Variants in IMMP2L observed in about 807,000 individuals in gnomAD.
The protein encoded by IMMP2L is mitochondrial inner membrane protease subunit 2.
A neutral mutation model predicts 19.3 loss-of-function variants in IMMP2L; 18 were observed. The observed-to-expected ratio is 0.93, with a 90% confidence interval of 0.64 to 1.38. The LOEUF is 1.38. Ranked by LOEUF, IMMP2L falls within the 40% of genes most tolerant of loss-of-function variation. The pLI, the probability that IMMP2L is intolerant of heterozygous loss-of-function variation, is 0.00. For synonymous variants in IMMP2L, 76 were observed against 73.0 expected, an observed-to-expected ratio of 1.04 and a Z score of -0.21; for missense variants, 233 against 218.2, an observed-to-expected ratio of 1.07 and a Z score of -0.43.
chr7:110,743,838 C>T (rs998348296), intron 5 of IMMP2L, among the ~76,000 whole-genome samples: 1 of 152,066 alleles, frequency 6.6e-6, no homozygotes, highest in African/African-American at 2.4e-5. Flanking sequence ...GCCATTTGGG[C>T]AGACACTGAG....
intron 3 of IMMP2L, among the ~76,000 whole-genome samples, chr7:111,468,648 T>C (rs1368008338): frequency 1.3e-5 from 2 of 152,130 alleles, no homozygotes; most frequent in East Asian, 1.9e-4. Flanking sequence ...ATCCAAATCA[T>C]GTTGGAAATA....
chr7:110,838,288 T>C (rs954117438), intron 5 of IMMP2L, among the ~76,000 whole-genome samples: 11 of 152,158 alleles, frequency 7.2e-5, no homozygotes, highest in Non-Finnish European at 1.5e-4. Flanking sequence ...TGAACATAAA[T>C]AGAAGTAGAC....
chr7:110,942,478 C>G (rs922691243), intron 4 of IMMP2L, among the ~76,000 whole-genome samples: 1 of 151,858 alleles, frequency 6.6e-6, no homozygotes, highest in African/African-American at 2.4e-5. Flanking sequence ...AGTTTAACTG[C>G]TGTGTACGCT....
intron 3 of IMMP2L, among the ~76,000 whole-genome samples, chr7:111,411,091 A>T (rs1471324891): frequency 8.5e-6 from 1 of 118,054 alleles, no homozygotes; most frequent in East Asian, 2.2e-4. Context: ...TCAAATTGCT[A>T]AAAAAAAAAA....
chr7:111,170,913 A>G (rs900925519), intron 3 of IMMP2L, among the ~76,000 whole-genome samples: 1 of 151,716 alleles, frequency 6.6e-6, no homozygotes, highest in Non-Finnish European at 1.5e-5. Context: ...GCTTAGAAAG[A>G]TTCTTAAAAC....
At chr7:111,542,230 CTGAA>C (rs1210887346) in intron 1 of IMMP2L, among the ~76,000 whole-genome samples, 13 of 151,918 alleles carry the variant, frequency 8.6e-5, no homozygotes, top group African/African-American at 2.4e-4. Context: ...TATACAAACT[CTGAA>C]TGAAGCATTA....
At chr7:110,925,796 C>A (rs1204427002) in intron 4 of IMMP2L, among the ~76,000 whole-genome samples, 7 of 151,858 alleles carry the variant, frequency 4.6e-5, no homozygotes, top group Admixed American at 2.0e-4. Context: ...TGTTCTCAAT[C>A]CACGAGAAAA....
chr7:111,284,605 A>T (rs914621036), intron 3 of IMMP2L, among the ~76,000 whole-genome samples: 3 of 152,198 alleles, frequency 2.0e-5, no homozygotes, highest in African/African-American at 7.2e-5. Flanking sequence ...AAGAGGAAAG[A>T]CAGGTCAGTA....
In IMMP2L at chr7:110,728,458, C is replaced by T. The variant is rs1192053918; in HGVS notation, c.409-64737G>A. Among the ~76,000 whole-genome samples the T allele has an allele frequency of 6.6e-6, 1 of 152,036 alleles. No individual in the cohort carries two copies. The highest frequency in any genetic ancestry group is 2.4e-5 in the African/African-American group (1 of 41,368). On this transcript the variant is annotated intron_variant, in intron 5 of 5. Coordinates refer to ENST00000405709, the MANE Select transcript of IMMP2L (RefSeq NM_032549.4). This position sits in a 1 kb window ranked among gnomAD's most constrained non-coding sequence, Gnocchi z 4.6. ...AGGTTGCAGTGAGCCATTATCACAT[C>T]ACTGTACTCCAGCCTGGGCAACAGA...
chr7:111,063,853 T>C (rs1794249964), intron 3 of IMMP2L, among the ~76,000 whole-genome samples: 1 of 152,324 alleles, frequency 6.6e-6, no homozygotes, highest in Non-Finnish European at 1.5e-5. Context: ...CATATCACTA[T>C]CAGGATTTTT....
At chr7:111,224,665 A>G (rs1400883733) in intron 3 of IMMP2L, among the ~76,000 whole-genome samples, 1 of 152,118 alleles carries the variant, frequency 6.6e-6, no homozygotes, top group African/African-American at 2.4e-5. Flanking sequence ...ATCCATGAGA[A>G]CCTTTCAGGA....
At chr7:110,854,070 A>C (rs1395106965) in intron 5 of IMMP2L, among the ~76,000 whole-genome samples, 1 of 151,988 alleles carries the variant, frequency 6.6e-6, no homozygotes, top group Non-Finnish European at 1.5e-5. Flanking sequence ...TACAGTCACC[A>C]ATAAATAGTT....
chr7:110,728,947 AT>A lies in IMMP2L; in HGVS notation c.409-65227del, dbSNP rs1796072939. Among the ~76,000 whole-genome samples the A allele has an allele frequency of 6.6e-6, 1 of 152,124 alleles. No individual in the cohort carries two copies. Among genetic ancestry groups the A allele is most frequent in the African/African-American group, 2.4e-5 (1 of 41,438 alleles). On this transcript the variant is annotated intron_variant, in intron 5 of 5. Transcript: ENST00000405709. This position sits in a 1 kb window ranked among gnomAD's most constrained non-coding sequence, Gnocchi z 4.6. ...TTGTTTTCACCCAGGCTGGACTGCA[AT>A]GGCGCGATCTCAGCTCACAGCAACC...
intron 3 of IMMP2L, among the ~76,000 whole-genome samples, chr7:111,107,198 CTT>C: frequency 6.6e-6 from 1 of 151,796 alleles, no homozygotes; most frequent in Non-Finnish European, 1.5e-5. Context: ...TCCCTCCCTT[CTT>C]CCTTCTCTCT....
chr7:111,092,016 C>G lies in IMMP2L; in HGVS notation c.240-128451G>C, dbSNP rs150368671. The stretch of plus-strand genomic sequence containing the variant: ...ACCAAATGGGGCATTTTTATTTTGT[C>G]TCATCCAGTGGATGCAAATTAAGGC... On this transcript the variant is annotated intron_variant, in intron 3 of 5. Transcript: ENST00000405709. 4.4e-3 allele frequency among the ~76,000 whole-genome samples: 668 copies of G among 152,296 alleles called. 3 individuals are homozygous for G. The highest frequency in any genetic ancestry group is 0.015 in the African/African-American group (628 of 41,568).
intron 3 of IMMP2L, among the ~76,000 whole-genome samples, chr7:111,016,090 C>A (rs1020005713): frequency 7.2e-5 from 11 of 152,084 alleles, no homozygotes; most frequent in Non-Finnish European, 1.5e-4. Flanking sequence ...ATATGAAATT[C>A]TCTTGCCTGA....
chr7:111,136,187 C>T (rs1380753776), intron 3 of IMMP2L, among the ~76,000 whole-genome samples: 4 of 151,946 alleles, frequency 2.6e-5, no homozygotes, highest in Non-Finnish European at 1.5e-5. Context: ...GCCACCATGC[C>T]CGGCTAATTT....
At chr7:110,946,908 G>A (rs1490482547) in intron 4 of IMMP2L, among the ~76,000 whole-genome samples, 2 of 151,840 alleles carry the variant, frequency 1.3e-5, no homozygotes, top group Non-Finnish European at 2.9e-5. Flanking sequence ...TTTTAGTAGA[G>A]ATGGAGTTTC....
At chr7:111,288,478 T>C (rs935254623) in intron 3 of IMMP2L, among the ~76,000 whole-genome samples, 3 of 151,994 alleles carry the variant, frequency 2.0e-5, no homozygotes, top group African/African-American at 7.2e-5. Context: ...AGAAAAAGAA[T>C]GAACAGGCAA....
Sources: allele counts gnomAD v4.1 joint callset (sites outside exome capture counted in the v4.1 genomes callset), GRCh38; gene constraint gnomAD v4.1.1; non-coding constraint Gnocchi (gnomAD v3.1); transcripts MANE v1.5; gene names NCBI Gene and HGNC (gene_info 2026-07-23, HGNC 2026-07-21).